Variants in TRAPPC9 observed in about 807,000 individuals in gnomAD.
TRAPPC9 encodes the protein trafficking protein particle complex subunit 9.
In TRAPPC9, 83 loss-of-function variants were observed where a neutral mutation model predicts 124.0. The observed-to-expected ratio is 0.67, with a 90% CI of 0.56 to 0.80. The LOEUF is 0.80. Among genes scored for constraint, TRAPPC9 ranks in the 30% least tolerant of loss-of-function variants. The pLI is 0.00. For synonymous variants in TRAPPC9, 638 were observed against 617.5 expected (o/e 1.03, Z -0.49); for missense variants, 1,302 against 1,508.3 (o/e 0.86, Z 2.27).
At chr8:139,756,840 T>C (rs11783400) in intron 21 of TRAPPC9, among the ~76,000 whole-genome samples, 1 of 33,462 alleles carries the variant, frequency 3.0e-5, no homozygotes, top group Non-Finnish European at 5.2e-5. Flanking sequence ...GAGGACAGCA[T>C]GTCGCAGGAG....
intron 17 of TRAPPC9, among the ~76,000 whole-genome samples, chr8:140,164,023 C>T (rs2061792565): frequency 6.6e-6 from 1 of 152,210 alleles, no homozygotes; most frequent in African/African-American, 2.4e-5. Flanking sequence ...AGTAAAATCT[C>T]TATGCTGTGT....
At chr8:139,802,545 G>A (rs1823611235) in intron 21 of TRAPPC9, among the ~76,000 whole-genome samples, 1 of 152,194 alleles carries the variant, frequency 6.6e-6, no homozygotes, top group African/African-American at 2.4e-5. Context: ...TTGAAATGAG[G>A]TTGCTACTAA....
At chr8:140,142,514 C>T (rs2061398168) in intron 17 of TRAPPC9, among the ~76,000 whole-genome samples, 1 of 152,242 alleles carries the variant, frequency 6.6e-6, no homozygotes, top group Non-Finnish European at 1.5e-5. Context: ...CCTGCAGTGG[C>T]CTCACATTGG....
intron 17 of TRAPPC9, among the ~76,000 whole-genome samples, chr8:140,131,589 G>C (rs1170712948): frequency 1.3e-5 from 2 of 152,182 alleles, no homozygotes; most frequent in Non-Finnish European, 2.9e-5. Context: ...ACTGCACACC[G>C]CTTCTCCTAG....
intron 17 of TRAPPC9, chr8:140,096,697 G>A (rs1011881831): frequency 2.6e-5 from 4 of 152,290 alleles, no homozygotes; most frequent in South Asian, 4.2e-4. Flanking sequence ...ATTGTCAGTC[G>A]CGTTGAGTGC....
At chr8:139,885,837 G>T in intron 21 of TRAPPC9, 42 bp downstream of exon 21, 1 of 1,531,814 alleles carries the variant, frequency 6.5e-7, no homozygotes, top group Non-Finnish European at 8.9e-7. Flanking sequence ...GAGAAAAGGA[G>T]CACATCCACC....
chr8:140,002,184 C>A (rs1450643668), intron 18 of TRAPPC9, among the ~76,000 whole-genome samples: 1 of 151,116 alleles, frequency 6.6e-6, no homozygotes, highest in East Asian at 1.9e-4. Context: ...TTTTTTGATA[C>A]CAAAAAAAGC....
chr8:140,254,940 G>A (rs764965633), intron 15 of TRAPPC9, among the ~76,000 whole-genome samples: 25 of 152,202 alleles, frequency 1.6e-4, no homozygotes, highest in Non-Finnish European at 3.1e-4. Context: ...AGGGGAAGAC[G>A]GAGAGCTTGA....
At chr8:139,887,636 C>G (rs1445221072) in intron 20 of TRAPPC9, among the ~76,000 whole-genome samples, 2 of 152,148 alleles carry the variant, frequency 1.3e-5, no homozygotes, top group Non-Finnish European at 2.9e-5. Flanking sequence ...ATGTCTTTCC[C>G]TGCCCTCTTC....
At chr8:139,787,272 G>A (rs1822326375) in intron 21 of TRAPPC9, among the ~76,000 whole-genome samples, 1 of 152,078 alleles carries the variant, frequency 6.6e-6, no homozygotes, top group Non-Finnish European at 1.5e-5. Context: ...AGGCAACTGA[G>A]CTGCTTTATG....
intron 19 of TRAPPC9, among the ~76,000 whole-genome samples, chr8:139,935,075 C>A (rs190624296): frequency 9.9e-5 from 15 of 152,250 alleles, no homozygotes; most frequent in Non-Finnish European, 2.9e-5. Flanking sequence ...AGGATTTCAG[C>A]CCCTCCCGGT....
chr8:139,926,724 A>C (rs928592248), intron 19 of TRAPPC9, among the ~76,000 whole-genome samples: 2 of 152,182 alleles, frequency 1.3e-5, no homozygotes, highest in Admixed American at 6.5e-5. Context: ...GCCTCAGAAA[A>C]AAACAAACAA....
At chr8:140,083,897 C>T (rs1844014274) in intron 17 of TRAPPC9, among the ~76,000 whole-genome samples, 1 of 152,078 alleles carries the variant, frequency 6.6e-6, no homozygotes, top group South Asian at 2.1e-4. Flanking sequence ...GAACTCCTGA[C>T]CTCGTGATCC....
chr8:139,790,249 A>C (rs1353267526), intron 21 of TRAPPC9, among the ~76,000 whole-genome samples: 1 of 152,240 alleles, frequency 6.6e-6, no homozygotes, highest in Non-Finnish European at 1.5e-5. Context: ...CTGTTTGAAC[A>C]GGAACTCAAG....
intron 18 of TRAPPC9, among the ~76,000 whole-genome samples, chr8:140,000,824 C>T (rs560076120): frequency 2.0e-5 from 3 of 152,228 alleles, no homozygotes; most frequent in South Asian, 4.2e-4. Context: ...GACAGTGTGG[C>T]GATCCCTCAA....
intron 8 of TRAPPC9, among the ~76,000 whole-genome samples, chr8:140,361,842 C>T (rs1173194897): frequency 6.6e-6 from 1 of 152,172 alleles, no homozygotes; most frequent in Non-Finnish European, 1.5e-5. Flanking sequence ...ACTGGGCGCT[C>T]GGCTGAGGCT....
At chr8:140,014,781 G>A (rs1195313743) in intron 18 of TRAPPC9, among the ~76,000 whole-genome samples, 2 of 152,274 alleles carry the variant, frequency 1.3e-5, no homozygotes, top group East Asian at 3.9e-4. Context: ...CGAACGCACA[G>A]GACAAGGTGA....
At chr8:140,249,141 G>A (rs565048085) in intron 16 of TRAPPC9, among the ~76,000 whole-genome samples, 3 of 151,380 alleles carry the variant, frequency 2.0e-5, no homozygotes, top group South Asian at 2.1e-4. Context: ...GACAGTGAGC[G>A]TGCTGCCCAA....
chr8:139,988,705 G>A (rs1473656770), intron 19 of TRAPPC9, 21 bp downstream of exon 19: 8 of 1,515,364 alleles, frequency 5.3e-6, no homozygotes, highest in Admixed American at 3.9e-5. Context: ...GCGGCGGCGC[G>A]AGGGTCTATG....
Sources: allele counts gnomAD v4.1 joint callset (sites outside exome capture counted in the v4.1 genomes callset), GRCh38; gene constraint gnomAD v4.1.1; transcripts MANE v1.5; gene names NCBI Gene and HGNC (gene_info 2026-07-23, HGNC 2026-07-21).